Variants in PTK7 observed in about 807,000 individuals in gnomAD.
PTK7 encodes inactive tyrosine-protein kinase 7.
Under a neutral mutation model 116.6 loss-of-function variants are expected in PTK7, and 39 were observed. That is an observed-to-expected ratio of 0.33 (90% CI 0.26 to 0.44). The LOEUF (loss-of-function observed/expected upper bound fraction) is 0.44. Among genes scored for constraint, PTK7 ranks in the 20% least tolerant of loss-of-function variants. PTK7 has a pLI of 1.00. For missense variants in PTK7, 1,169 were observed against 1,425.6 expected (o/e 0.82, Z 2.90); for synonymous variants, 546 against 563.6 (o/e 0.97, Z 0.44).
At position 43,147,369 on chromosome 6, in the gene PTK7, C is replaced by T. The variant is rs115300829; in HGVS notation, c.2721+671C>T. 2.4e-4 allele frequency among the ~76,000 whole-genome samples: 36 copies of T among 152,358 alleles called. 1 individual carries two copies. The highest frequency in any genetic ancestry group is 8.2e-4 in the African/African-American group (34 of 41,582). Reference sequence around the variant, plus strand: ...CCTGCCACCTCAGTCCATACCTTTCCAGTGCCTGGGGCTTGCTGTGGCCCG... The same window carrying T: ...CCTGCCACCTCAGTCCATACCTTTCTAGTGCCTGGGGCTTGCTGTGGCCCG... On this transcript the variant is annotated intron_variant, in intron 17 of 19. Transcript: ENST00000230419.
chr6:43,127,806 G>A (rs1769388465), intron 1 of PTK7, among the ~76,000 whole-genome samples: 1 of 152,174 alleles, frequency 6.6e-6, no homozygotes, highest in African/African-American at 2.4e-5. Context: ...GCGGGCACCT[G>A]TAGTCCCAGC....
rs1381290912 is a variant in PTK7 at position 43,140,504 on chromosome 6, TCA to T, written c.1618+980_1618+981del. The stretch of plus-strand genomic sequence containing the variant: ...AAAAAATGTACAGTCCTGCCGTTTA[TCA>T]TCTTTGGGTGTATGTCTTCTTTTTC... On this transcript the variant is annotated intron_variant, in intron 10 of 19. Transcript: ENST00000230419. Among the ~76,000 whole-genome samples, 17 of 152,174 alleles carry T rather than the reference TCA, an allele frequency of 1.1e-4. No individual in the cohort carries two copies. The East Asian group carries it at 3.1e-3, about 28-fold the overall frequency.
At chr6:43,079,743 A>G (rs987557808) in intron 1 of PTK7, among the ~76,000 whole-genome samples, 18 of 152,006 alleles carry the variant, frequency 1.2e-4, no homozygotes, top group African/African-American at 4.3e-4. Context: ...GGCATGATCC[A>G]CTATGCCCAG....
intron 13 of PTK7, 64 bp downstream of exon 13, chr6:43,142,363 C>G (rs761336860): frequency 1.2e-6 from 2 of 1,610,490 alleles, no homozygotes; most frequent in South Asian, 2.2e-5. Flanking sequence ...TCACCTTGTA[C>G]TCAGCCCCTG....
In PTK7 at chr6:43,145,288, G is replaced by A. The variant is rs754294006; in HGVS notation, c.2496G>A (p.Leu832=). The A allele has an allele frequency of 1.9e-6, 3 of 1,614,094 alleles. No individual in the cohort carries two copies. Among genetic ancestry groups the A allele is most frequent in the East Asian group, 2.2e-5 (1 of 44,886 alleles). The stretch of plus-strand genomic sequence containing the variant: ...AGACCCTGGTACTTGTGAAGAGCCT[G>A]CAGAGCAAGGATGAGCAGCAGCAGC... The part of the protein sequence containing the change: ...VAETLVLVKS[L]QSKDEQQQLD... The change falls in exon 16 of 20, where the codon CTG becomes CTA. Residue 832 remains leucine, a synonymous_variant. Transcript: ENST00000230419. This position sits in a 1 kb window ranked among gnomAD's most constrained non-coding sequence, Gnocchi z 4.8.
chr6:43,091,497 A>G (rs979845762), intron 1 of PTK7, among the ~76,000 whole-genome samples: 3 of 152,260 alleles, frequency 2.0e-5, no homozygotes, highest in African/African-American at 4.8e-5. Context: ...AGGAATAATA[A>G]TACCAGTCTC....
At chr6:43,138,031 A>G (rs1770147851) in intron 7 of PTK7, among the ~76,000 whole-genome samples, 1 of 151,102 alleles carries the variant, frequency 6.6e-6, no homozygotes, top group African/African-American at 2.4e-5. Context: ...CTGGTTTTGA[A>G]CTCCTGACCT....
Position 43,143,376 on chromosome 6 carries a change from G to A in PTK7, c.2048-41G>A. On this transcript the variant is annotated intron_variant, in intron 13 of 19. Transcript: ENST00000230419. This position sits in a 1 kb window ranked among gnomAD's most constrained non-coding sequence, Gnocchi z 4.2. ...TTAGTAGAGAAGCAGGGCTTCTTTT[G>A]CTTAGCAGCCCCTGCCCAGACCCAT... 6.3e-7 allele frequency: 1 copy of A among 1,585,294 alleles called. No individual in the cohort carries two copies. The highest frequency in any genetic ancestry group is 1.4e-5 in the African/African-American group (1 of 73,692).
chr6:43,094,653 T>C (rs1767139301), intron 1 of PTK7, among the ~76,000 whole-genome samples: 1 of 151,760 alleles, frequency 6.6e-6, no homozygotes, highest in Non-Finnish European at 1.5e-5. Context: ...TATTTTTCTG[T>C]ATTTTTAGTA....
chr6:43,089,122 C>T (rs1413919782), intron 1 of PTK7, among the ~76,000 whole-genome samples: 1 of 152,136 alleles, frequency 6.6e-6, no homozygotes, highest in Non-Finnish European at 1.5e-5. Flanking sequence ...TCTTTTAACC[C>T]TCAGGAGTGT....
rs756125288 is a variant in PTK7 at position 43,139,497 on chromosome 6, G to A, written c.1590G>A (p.Glu530=). 5 of 1,614,224 alleles carry A rather than the reference G, an allele frequency of 3.1e-6. No homozygotes were observed. In the South Asian group the frequency reaches 5.5e-5, roughly 18 times the overall value. The part of the protein sequence containing the change: ...ATVPCSATGR[E]KPTIKWERAD... ...TGCCCTGTTCAGCCACAGGCCGAGAGAAGCCCACTATTAAGTGGGAACGGG... is the reference window on the plus strand; with the variant it reads ...TGCCCTGTTCAGCCACAGGCCGAGAAAAGCCCACTATTAAGTGGGAACGGG... Residue 530 remains glutamate, a synonymous_variant, in exon 10 of 20, where the codon GAG becomes GAA. Transcript: ENST00000230419. This position sits in a 1 kb window ranked among gnomAD's most constrained non-coding sequence, Gnocchi z 4.6.
intron 1 of PTK7, among the ~76,000 whole-genome samples, chr6:43,082,163 G>T (rs571590487): frequency 3.3e-5 from 5 of 151,988 alleles, no homozygotes; most frequent in African/African-American, 4.8e-5. Flanking sequence ...AATCAGAATC[G>T]CAATCTGCAA....
At chr6:43,136,914 G>C (rs1386357570) in intron 7 of PTK7, among the ~76,000 whole-genome samples, 2 of 152,178 alleles carry the variant, frequency 1.3e-5, no homozygotes, top group Non-Finnish European at 2.9e-5. Flanking sequence ...TGAGGTGAGA[G>C]GGTTGCTTGA....
chr6:43,103,456 G>GGTGTGTGTGT (rs3840390), intron 1 of PTK7, among the ~76,000 whole-genome samples: 42 of 150,348 alleles, frequency 2.8e-4, no homozygotes, highest in African/African-American at 7.1e-4. Context: ...GAGTATTACA[G>GGTGTGTGTGT]GTGTGTGTGT....
At chr6:43,103,163 T>C (rs747026913) in intron 1 of PTK7, among the ~76,000 whole-genome samples, 41 of 152,158 alleles carry the variant, frequency 2.7e-4, no homozygotes, top group Middle Eastern at 3.4e-3. Flanking sequence ...ACAGAATCAA[T>C]AAAAATAAAA....
At chr6:43,107,857 A>G (rs1458212997) in intron 1 of PTK7, among the ~76,000 whole-genome samples, 8 of 152,234 alleles carry the variant, frequency 5.3e-5, no homozygotes, top group African/African-American at 1.7e-4. Context: ...GGCATCTGCC[A>G]TGGAGGAGAC....
chr6:43,118,749 A>T lies in PTK7; in HGVS notation c.80-10228A>T, dbSNP rs574331790. Among the ~76,000 whole-genome samples the T allele has an allele frequency of 4.2e-5, 5 of 118,736 alleles. No individual in the cohort carries two copies. The East Asian group carries it at 1.2e-3, about 28-fold the overall frequency. 77.9% of individuals were successfully genotyped at this position (118,736 alleles called of 152,430 possible). On this transcript the variant is annotated intron_variant, in intron 1 of 19. Transcript: ENST00000230419. ...TACATATATGTATATATGTGTGTGT[A>T]TGTGTGTGTGTGTGTGTGTGTGTGT... is the stretch of plus-strand genomic sequence containing the variant.
chr6:43,148,096 TAAAA>T (rs901704173), intron 17 of PTK7, among the ~76,000 whole-genome samples: 1 of 151,478 alleles, frequency 6.6e-6, no homozygotes, highest in African/African-American at 2.4e-5. Flanking sequence ...CTACAAAAAA[TAAAA>T]AAAAGTTAAC....
In PTK7 at chr6:43,139,249, G is replaced by A. The variant is rs145195593; in HGVS notation, c.1476G>A (p.Ala492=). The A allele has an allele frequency of 4.1e-4, 669 of 1,614,248 alleles. 6 individuals carry two copies. In the East Asian group the frequency reaches 8.1e-3, roughly 19 times the overall value. The change falls in exon 9 of 20, where the codon GCG becomes GCA. Residue 492 remains alanine (A), a synonymous_variant. Transcript: ENST00000230419. The surrounding 1 kb of genome is among the most constrained non-coding windows in gnomAD (Gnocchi z 4.6). ...MSSTPAGSIE[A]QARVQVLEKL... is the part of the protein sequence containing the mutation. ...GCACCCCAGCCGGCAGCATCGAGGCGCAAGCCCGTGTCCAAGTGCTGGGTG... is the reference window on the plus strand; with the variant it reads ...GCACCCCAGCCGGCAGCATCGAGGCACAAGCCCGTGTCCAAGTGCTGGGTG...
Sources: gnomAD v4.1 joint callset for allele counts (sites outside exome capture counted in the v4.1 genomes callset) on GRCh38, gnomAD v4.1.1 for gene constraint, Gnocchi (gnomAD v3.1) non-coding constraint, MANE v1.5 for transcripts, NCBI Gene and HGNC (gene_info 2026-07-23, HGNC 2026-07-21) for gene names.